The following NELL1 variants were observed in gnomAD, a reference collection of about 807,000 sequenced individuals.
NELL1 encodes the protein neural EGFL like 1.
In NELL1, 76 loss-of-function variants were observed where a neutral mutation model predicts 107.4. The observed-to-expected ratio is 0.71, with a 90% CI of 0.59 to 0.86. NELL1 has a LOEUF of 0.86. Among genes scored for constraint, NELL1 ranks in the 40% least tolerant of loss-of-function variants. NELL1 has a pLI of 0.00. For synonymous variants in NELL1, 353 were observed against 341.2 expected (o/e 1.03, Z -0.38); for missense variants, 1,024 against 1,005.5 (o/e 1.02, Z -0.25).
rs7104728 is a variant in NELL1, at chr11:21,266,194, T to C, written c.1549+36740T>C. On this transcript the variant is annotated intron_variant, in intron 14 of 19. Transcript: ENST00000357134. ...GCAGTTCGCATTCCATTTAGGTATT[T>C]TTTTTTTAACTCGGCTTAGAATGTA... 2.6e-3 allele frequency among the ~76,000 whole-genome samples: 398 copies of C among 151,938 alleles called. 4 individuals carry two copies. The highest frequency in any genetic ancestry group is 9.3e-3 in the African/African-American group (386 of 41,492).
At chr11:21,255,159 G>A (rs1267468078) in intron 14 of NELL1, among the ~76,000 whole-genome samples, 3 of 152,016 alleles carry the variant, frequency 2.0e-5, no homozygotes, top group Admixed American at 6.6e-5. Context: ...AGAACTATTC[G>A]GGTGACAACA....
chr11:20,723,217 G>T (rs556628140), intron 2 of NELL1, among the ~76,000 whole-genome samples: 1 of 152,150 alleles, frequency 6.6e-6, no homozygotes, highest in African/African-American at 2.4e-5. Context: ...CTTCCTAACT[G>T]TTCTGTAAAG....
chr11:21,428,081 A>G (rs1459269847), intron 15 of NELL1, among the ~76,000 whole-genome samples: 1 of 152,214 alleles, frequency 6.6e-6, no homozygotes, highest in Non-Finnish European at 1.5e-5. Context: ...AAACTGCCCC[A>G]AAGTTAAAAT....
intron 12 of NELL1, among the ~76,000 whole-genome samples, chr11:21,106,142 C>T (rs1326609139): frequency 6.6e-6 from 1 of 151,582 alleles, no homozygotes; most frequent in Non-Finnish European, 1.5e-5. Flanking sequence ...AAAAATAATG[C>T]TAAGATTTTC....
At chr11:21,134,683 T>A (rs963043057) in intron 13 of NELL1, among the ~76,000 whole-genome samples, 1 of 152,186 alleles carries the variant, frequency 6.6e-6, no homozygotes, top group Non-Finnish European at 1.5e-5. Context: ...ATCTATGCAG[T>A]TGGCATGGGT....
intron 2 of NELL1, among the ~76,000 whole-genome samples, chr11:20,760,285 C>T (rs1270861444): frequency 6.6e-6 from 1 of 152,158 alleles, no homozygotes; most frequent in Non-Finnish European, 1.5e-5. Context: ...GTGTATGTAG[C>T]CGTAATGTTG....
chr11:21,218,167 A>G (rs1413754075), intron 13 of NELL1, among the ~76,000 whole-genome samples: 1 of 152,004 alleles, frequency 6.6e-6, no homozygotes, highest in Non-Finnish European at 1.5e-5. Flanking sequence ...TGTATTTTTC[A>G]CCTTTCTAAT....
intron 15 of NELL1, among the ~76,000 whole-genome samples, chr11:21,459,223 G>A (rs73461298): frequency 0.025 from 3,835 of 151,840 alleles, 173 homozygotes; most frequent in African/African-American, 0.086. Flanking sequence ...GGTACTGAGG[G>A]TCTTATTAAC....
chr11:21,332,998 A>G (rs1341461727), intron 14 of NELL1, among the ~76,000 whole-genome samples: 1 of 152,076 alleles, frequency 6.6e-6, no homozygotes, highest in Non-Finnish European at 1.5e-5. Context: ...TAAATAAATC[A>G]ATAAGTGCAT....
At chr11:21,495,088 T>C (rs983741309) in intron 15 of NELL1, among the ~76,000 whole-genome samples, 1 of 152,156 alleles carries the variant, frequency 6.6e-6, no homozygotes, top group Non-Finnish European at 1.5e-5. Flanking sequence ...TTTGCAACCA[T>C]TGCCAATAGC....
At chr11:20,784,593 T>G (rs1856917053) in intron 3 of NELL1, among the ~76,000 whole-genome samples, 1 of 152,194 alleles carries the variant, frequency 6.6e-6, no homozygotes, top group African/African-American at 2.4e-5. Context: ...ATCGCAAAGC[T>G]TCAATGCCAT....
chr11:21,410,184 G>C (rs1852340920), intron 15 of NELL1, among the ~76,000 whole-genome samples: 1 of 151,822 alleles, frequency 6.6e-6, no homozygotes, highest in Admixed American at 6.6e-5. Context: ...CTTTTTCACT[G>C]TTCCATCATG....
intron 4 of NELL1, among the ~76,000 whole-genome samples, chr11:20,863,210 C>A (rs1247886765): frequency 1.0e-4 from 13 of 129,138 alleles, no homozygotes; most frequent in Admixed American, 9.5e-4. Context: ...CCGGACGGGG[C>A]CGCAGCCGGG....
intron 2 of NELL1, among the ~76,000 whole-genome samples, chr11:20,692,679 A>G (rs1201869253): frequency 6.6e-6 from 1 of 151,754 alleles, no homozygotes; most frequent in Non-Finnish European, 1.5e-5. Flanking sequence ...GTTCTTTTAC[A>G]TTTGCTGAGG....
chr11:20,800,058 G>A lies in NELL1; in HGVS notation c.335+16228G>A, dbSNP rs546478730. On this transcript the variant is annotated intron_variant, in intron 3 of 19. Coordinates refer to ENST00000357134, the MANE Select transcript of NELL1 (RefSeq NM_006157.5). Reference sequence around the variant, plus strand: ...TGATTTTGTTCTTTTCAATGGCTGCGTAGTATCCCATGGTGTATACGTACT... The same window carrying A: ...TGATTTTGTTCTTTTCAATGGCTGCATAGTATCCCATGGTGTATACGTACT... Among the ~76,000 whole-genome samples, 142 of 152,254 alleles carry A rather than the reference G, an allele frequency of 9.3e-4. 1 individual carries two copies. The highest frequency in any genetic ancestry group is 3.1e-3 in the African/African-American group (128 of 41,542).
chr11:20,777,090 C>T (rs925561408), intron 2 of NELL1, among the ~76,000 whole-genome samples: 3 of 152,218 alleles, frequency 2.0e-5, no homozygotes, highest in Admixed American at 2.0e-4. Context: ...TGAGATCACA[C>T]ATTTTGGTGA....
chr11:21,444,256 T>A (rs1396582900), intron 15 of NELL1, among the ~76,000 whole-genome samples: 1 of 152,160 alleles, frequency 6.6e-6, no homozygotes, highest in African/African-American at 2.4e-5. Flanking sequence ...TTGGGCTGAT[T>A]ACCACTTTAA....
intron 14 of NELL1, among the ~76,000 whole-genome samples, chr11:21,312,951 C>G (rs1216715416): frequency 1.3e-5 from 2 of 152,018 alleles, no homozygotes; most frequent in Non-Finnish European, 2.9e-5. Flanking sequence ...AGTCTCCCAC[C>G]TGTAATCCCA....
chr11:21,522,037 C>G (rs1855737626), intron 15 of NELL1, among the ~76,000 whole-genome samples: 2 of 152,066 alleles, frequency 1.3e-5, no homozygotes, highest in African/African-American at 4.8e-5. Context: ...ATATTTTCTT[C>G]CATTCTGCAG....
Sources: gnomAD v4.1 joint callset for allele counts (sites outside exome capture counted in the v4.1 genomes callset) on GRCh38, gnomAD v4.1.1 for gene constraint, MANE v1.5 for transcripts, NCBI Gene and HGNC (gene_info 2026-07-23, HGNC 2026-07-21) for gene names.